Variants in KIF5C observed in about 807,000 individuals in gnomAD.
The protein encoded by KIF5C is kinesin heavy chain isoform 5C.
A neutral mutation model predicts 125.2 loss-of-function variants in KIF5C; 18 were observed. The ratio of observed to expected loss-of-function variants is 0.14; its 90% CI spans 0.10 to 0.21. KIF5C has a LOEUF of 0.21. KIF5C is among the 10% of genes least tolerant of loss of function. The pLI is 1.00. For missense variants in KIF5C, 780 were observed against 1,183.8 expected, an observed-to-expected ratio of 0.66 and a Z score of 5.01; for synonymous variants, 405 against 434.0, an observed-to-expected ratio of 0.93 and a Z score of 0.83.
At chr2:148,959,838 T>C (rs1230134370) in intron 10 of KIF5C, among the ~76,000 whole-genome samples, 1 of 152,216 alleles carries the variant, frequency 6.6e-6, no homozygotes, top group Non-Finnish European at 1.5e-5. Flanking sequence ...ATTTATTTCC[T>C]GGCTTCTTCC....
chr2:148,971,290 G>GTCTGTCTA (rs764761986), intron 11 of KIF5C, among the ~76,000 whole-genome samples: 14,550 of 136,906 alleles, frequency 0.11, 796 homozygotes, highest in Admixed American at 0.15. Context: ...CTGTCTGTCT[G>GTCTGTCTA]TCTATCTATC....
intron 13 of KIF5C, among the ~76,000 whole-genome samples, chr2:148,980,798 C>T (rs1681213540): frequency 1.3e-5 from 2 of 151,922 alleles, no homozygotes; most frequent in South Asian, 4.1e-4. Context: ...CTCTGCCTCC[C>T]AGGTTCAAGC....
chr2:148,895,514 T>G (rs78472583), intron 1 of KIF5C, among the ~76,000 whole-genome samples: 27,646 of 151,916 alleles, frequency 0.18, 4,289 homozygotes, highest in African/African-American at 0.43. Flanking sequence ...CTTTTTTTTT[T>G]ATCTTGAATC....
At chr2:148,958,958 T>C (rs1428680490) in intron 10 of KIF5C, among the ~76,000 whole-genome samples, 1 of 151,720 alleles carries the variant, frequency 6.6e-6, no homozygotes, top group Non-Finnish European at 1.5e-5. Context: ...CACTCCAGCC[T>C]GGGCAACAGA....
At position 149,023,352 on chromosome 2, in the gene KIF5C, C is replaced by T. The variant is rs1377437902; in HGVS notation, c.*282C>T. The T allele has an allele frequency of 1.3e-5, 2 of 152,520 alleles. No homozygotes were observed. The highest frequency in any genetic ancestry group is 6.6e-5 in the Admixed American group (1 of 15,264). The allele number at this position is 152,520 out of a possible 1,614,324, so 9.4% of individuals were successfully genotyped here. A position where few individuals can be genotyped will look rare whatever the true frequency, so the allele number is the denominator to read the frequency against. ...CGGCCTCCGGGGTGTTGGGTGGTTTCTGGGTGGTTCCTGGAGCCTCCTCTG... is the reference window on the plus strand; with the variant it reads ...CGGCCTCCGGGGTGTTGGGTGGTTTTTGGGTGGTTCCTGGAGCCTCCTCTG... On this transcript the variant is annotated 3_prime_UTR_variant, in exon 26 of 26. Transcript: ENST00000435030.
In KIF5C at chr2:149,000,567, A is replaced by C. The variant is rs751875426; in HGVS notation, c.2312+43A>C. On this transcript the variant is annotated intron_variant, in intron 20 of 25. Transcript: ENST00000435030. ...ATTTCCTCTATTTTCTCTCATCCCC[A>C]TGATATTCTGGTTAGATTGGGCTAA... is the stretch of plus-strand genomic sequence containing the variant. 8 of 1,550,342 alleles carry C rather than the reference A, an allele frequency of 5.2e-6. No homozygotes were observed. The African/African-American group carries it at 1.1e-4, about 21-fold the overall frequency.
intron 13 of KIF5C, among the ~76,000 whole-genome samples, chr2:148,980,658 G>A (rs1681205989): frequency 6.6e-6 from 1 of 151,372 alleles, no homozygotes; most frequent in Non-Finnish European, 1.5e-5. Context: ...CCTTGGAAAC[G>A]ACTCTCAGAT....
intron 4 of KIF5C, among the ~76,000 whole-genome samples, chr2:148,938,242 G>GA (rs202208799): frequency 0.013 from 1,961 of 152,278 alleles, 18 homozygotes; most frequent in Middle Eastern, 0.041. Flanking sequence ...TGGAGGGCAG[G>GA]AAATCTAAGC....
intron 15 of KIF5C, among the ~76,000 whole-genome samples, chr2:148,984,962 TTTA>T (rs1441531397): frequency 2.0e-5 from 3 of 152,006 alleles, no homozygotes; most frequent in African/African-American, 4.8e-5. Context: ...TGCTAATTTT[TTTA>T]TTATTATTAT....
At chr2:149,011,510 G>A in intron 24 of KIF5C, 60 bp from the exon 25 acceptor site, 2 of 1,599,560 alleles carry the variant, frequency 1.3e-6, no homozygotes, top group South Asian at 2.2e-5. Flanking sequence ...TAGATATCAG[G>A]GTTGCTGTTA....
intron 1 of KIF5C, among the ~76,000 whole-genome samples, chr2:148,918,202 C>G (rs1021201291): frequency 1.3e-5 from 2 of 152,230 alleles, no homozygotes; most frequent in Non-Finnish European, 2.9e-5. Context: ...TTTAGTTATA[C>G]TGCTCCTATG....
chr2:149,000,155 T>C, intron 19 of KIF5C: 1 of 347,818 alleles, frequency 2.9e-6, no homozygotes, highest in East Asian at 4.4e-5. Flanking sequence ...CCCATCTCAT[T>C]ATTTTTCCCC....
chr2:148,902,105 A>G (rs747925260), intron 1 of KIF5C, among the ~76,000 whole-genome samples: 2 of 152,160 alleles, frequency 1.3e-5, no homozygotes, highest in African/African-American at 2.4e-5. Flanking sequence ...GCGTTGGTCC[A>G]TAACAAAATG....
intron 11 of KIF5C, among the ~76,000 whole-genome samples, chr2:148,964,138 G>C (rs1400359219): frequency 6.6e-6 from 1 of 152,082 alleles, no homozygotes; most frequent in Non-Finnish European, 1.5e-5. Flanking sequence ...AGCTAGGTGT[G>C]GTGGCGCATG....
At chr2:148,943,009 G>T (rs996324012) in intron 7 of KIF5C, among the ~76,000 whole-genome samples, 1 of 152,112 alleles carries the variant, frequency 6.6e-6, no homozygotes, top group Non-Finnish European at 1.5e-5. Flanking sequence ...ACTGGACCCT[G>T]ATAACAGCCT....
At chr2:149,016,068 C>T (rs57505661) in intron 25 of KIF5C, among the ~76,000 whole-genome samples, 49 of 152,190 alleles carry the variant, frequency 3.2e-4, no homozygotes, top group East Asian at 1.7e-3. Flanking sequence ...GAAAGTGGTT[C>T]GATGATCACT....
chr2:148,978,162 G>C (rs1681128166), intron 12 of KIF5C, among the ~76,000 whole-genome samples: 1 of 152,044 alleles, frequency 6.6e-6, no homozygotes, highest in African/African-American at 2.4e-5. Flanking sequence ...CCTGCACTGG[G>C]GGTGGACTGA....
rs1682620780 is a variant in KIF5C at position 149,024,316 on chromosome 2, G to A, written c.*1246G>A. 6.6e-6 allele frequency: 1 copy of A among 152,284 alleles called. No individual in the cohort carries two copies. Among genetic ancestry groups the A allele is most frequent in the East Asian group, 1.9e-4 (1 of 5,148 alleles). The allele number at this position is 152,284 out of a possible 1,614,324, so 9.4% of individuals were successfully genotyped here. The stretch of plus-strand genomic sequence containing the variant: ...TAAAGTTTTCAGGGAAACTGACTGT[G>A]CTGCTATTTGTTTTGACAAATTTGG... On this transcript the variant is annotated 3_prime_UTR_variant, in exon 26 of 26. Transcript: ENST00000435030.
chr2:148,935,975 C>T (rs1353485514), intron 3 of KIF5C, among the ~76,000 whole-genome samples: 1 of 152,102 alleles, frequency 6.6e-6, no homozygotes, highest in Admixed American at 6.5e-5. Flanking sequence ...ATCCATTTTT[C>T]CGGATGAGAG....
Sources: gnomAD v4.1 joint callset for allele counts (sites outside exome capture counted in the v4.1 genomes callset) on GRCh38, gnomAD v4.1.1 for gene constraint, MANE v1.5 for transcripts, NCBI Gene and HGNC (gene_info 2026-07-23, HGNC 2026-07-21) for gene names.